The following HPSE2 variants were observed in gnomAD, a reference collection of about 807,000 sequenced individuals.
The protein encoded by HPSE2 is inactive heparanase-2.
In HPSE2, 38 loss-of-function variants were observed where a neutral mutation model predicts 60.5. That is an observed-to-expected ratio of 0.63 (90% CI 0.48 to 0.82). The LOEUF is 0.82. Ranked by LOEUF, HPSE2 falls within the 40% of genes least tolerant of loss-of-function variation. The pLI is 0.00. For missense variants in HPSE2, 713 were observed against 740.4 expected (o/e 0.96, Z 0.43); for synonymous variants, 295 against 293.2 (o/e 1.01, Z -0.06).
chr10:98,700,140 C>A (rs895997372), intron 5 of HPSE2, among the ~76,000 whole-genome samples: 2 of 151,604 alleles, frequency 1.3e-5, no homozygotes, highest in Admixed American at 6.6e-5. Flanking sequence ...TGGAAAAAAA[C>A]TACTTTAAAG....
At chr10:98,852,977 C>T (rs1387268189) in intron 3 of HPSE2, among the ~76,000 whole-genome samples, 2 of 152,210 alleles carry the variant, frequency 1.3e-5, no homozygotes, top group Non-Finnish European at 2.9e-5. Flanking sequence ...GTTTACACAG[C>T]TTTAAGGCCC....
At chr10:99,238,592 TTGGTCTC>T (rs1171460701), upstream of HPSE2, among the ~76,000 whole-genome samples, 3 of 152,204 alleles carry the variant, frequency 2.0e-5, no homozygotes, top group Non-Finnish European at 4.4e-5. Flanking sequence ...TTAGCCCTCG[TTGGTCTC>T]TAAGATGATT....
At chr10:99,170,843 T>A (rs57672612) in intron 2 of HPSE2, among the ~76,000 whole-genome samples, 77,619 of 152,014 alleles carry the variant, frequency 0.51, 21,579 homozygotes, top group East Asian at 0.65. Context: ...AACCAACCAC[T>A]GATCGAAAAC....
intron 11 of HPSE2, among the ~76,000 whole-genome samples, chr10:98,470,357 G>A (rs1940727582): frequency 6.6e-6 from 1 of 152,134 alleles, no homozygotes; most frequent in South Asian, 2.1e-4. Context: ...AATCATTGTT[G>A]CAAGGGTAAG....
intron 7 of HPSE2, among the ~76,000 whole-genome samples, chr10:98,627,092 A>C (rs1237912301): frequency 6.6e-6 from 1 of 152,174 alleles, no homozygotes; most frequent in Non-Finnish European, 1.5e-5. Context: ...ATTTTTCAAA[A>C]GGAGTTCAAA....
rs115204000 is a variant in HPSE2, at chr10:99,043,206, C to A, written c.610+101032G>T. On this transcript the variant is annotated intron_variant, in intron 3 of 11. Transcript: ENST00000370552. Reference sequence around the variant, plus strand: ...CAATGGTTCTTAAACAGCTGGAGGCCGGGCATGGTGGCTCATGTCTGTAAT... The same window carrying A: ...CAATGGTTCTTAAACAGCTGGAGGCAGGGCATGGTGGCTCATGTCTGTAAT... Among the ~76,000 whole-genome samples the A allele has an allele frequency of 3.4e-3, 514 of 152,222 alleles. 2 individuals are homozygous for A. Among genetic ancestry groups the A allele is most frequent in the African/African-American group, 0.012 (490 of 41,538 alleles).
intron 6 of HPSE2, among the ~76,000 whole-genome samples, chr10:98,670,336 A>G (rs555488349): frequency 6.6e-6 from 1 of 152,350 alleles, no homozygotes; most frequent in South Asian, 2.1e-4. Context: ...CTATTGCAAT[A>G]GTCTGGGGAA....
At chr10:98,894,439 T>C (rs1953425514) in intron 3 of HPSE2, among the ~76,000 whole-genome samples, 1 of 151,928 alleles carries the variant, frequency 6.6e-6, no homozygotes, top group Non-Finnish European at 1.5e-5. Flanking sequence ...CTTCCAGAAG[T>C]GAAAAATGTT....
chr10:99,085,051 T>C (rs1390790102), intron 3 of HPSE2, among the ~76,000 whole-genome samples: 2 of 152,180 alleles, frequency 1.3e-5, no homozygotes, highest in Non-Finnish European at 2.9e-5. Context: ...ACCCTTCACG[T>C]GGCCTGTAGG....
At chr10:99,055,577 A>G (rs531523868) in intron 3 of HPSE2, among the ~76,000 whole-genome samples, 121 of 152,270 alleles carry the variant, frequency 7.9e-4, no homozygotes, top group Admixed American at 2.9e-3. Flanking sequence ...ATTTTGGTGA[A>G]AAACACCCAC....
intron 6 of HPSE2, among the ~76,000 whole-genome samples, chr10:98,670,810 CTCAA>C (rs1442575935): frequency 3.3e-5 from 5 of 152,238 alleles, no homozygotes; most frequent in African/African-American, 1.2e-4. Context: ...CCCTAGATTG[CTCAA>C]TCAATCACGA....
chr10:99,038,427 A>C (rs1957658361), intron 3 of HPSE2, among the ~76,000 whole-genome samples: 1 of 152,202 alleles, frequency 6.6e-6, no homozygotes, highest in Non-Finnish European at 1.5e-5. Flanking sequence ...AAAGTCAATT[A>C]CTATATGATT....
At chr10:98,677,896 C>T (rs1009818575) in intron 6 of HPSE2, among the ~76,000 whole-genome samples, 2 of 152,138 alleles carry the variant, frequency 1.3e-5, no homozygotes, top group Non-Finnish European at 2.9e-5. Context: ...CCAATAGATG[C>T]TATTATTAGA....
intron 3 of HPSE2, among the ~76,000 whole-genome samples, chr10:98,933,221 A>G (rs1160106578): frequency 7.4e-6 from 1 of 135,982 alleles, no homozygotes; most frequent in Non-Finnish European, 1.5e-5. Flanking sequence ...TTCATTATTT[A>G]CCCCAGAGTC....
chr10:98,913,634 GC>G (rs1267293241), intron 3 of HPSE2, among the ~76,000 whole-genome samples: 3 of 152,012 alleles, frequency 2.0e-5, no homozygotes, highest in Non-Finnish European at 4.4e-5. Flanking sequence ...GGAAAAAATG[GC>G]CTAAAAGCTA....
At chr10:99,080,413 G>A (rs2135571166) in intron 3 of HPSE2, among the ~76,000 whole-genome samples, 1 of 152,220 alleles carries the variant, frequency 6.6e-6, no homozygotes, top group East Asian at 1.9e-4. Context: ...AAATACCATG[G>A]TACATTTCCT....
At chr10:98,843,951 T>C (rs1951977248) in intron 3 of HPSE2, among the ~76,000 whole-genome samples, 1 of 152,232 alleles carries the variant, frequency 6.6e-6, no homozygotes, top group African/African-American at 2.4e-5. Context: ...CTAATTCTGA[T>C]TAAAGACTGA....
intron 2 of HPSE2, among the ~76,000 whole-genome samples, chr10:99,184,819 T>TATAGAGAGAGAGAGAG (rs1554912295): frequency 5.0e-5 from 1 of 19,858 alleles, no homozygotes; most frequent in African/African-American, 1.7e-4. Flanking sequence ...TATATATATA[T>TATAGAGAGAGAGAGAG]AGAGAGAGAG....
intron 9 of HPSE2, among the ~76,000 whole-genome samples, chr10:98,550,472 ATT>A (rs34732107): frequency 1.2e-4 from 17 of 143,696 alleles, no homozygotes; most frequent in East Asian, 6.1e-4. Context: ...TCTTTCTTAA[ATT>A]TTTTTTTTTT....
Sources: gnomAD v4.1 joint callset for allele counts (sites outside exome capture counted in the v4.1 genomes callset) on GRCh38, gnomAD v4.1.1 for gene constraint, MANE v1.5 for transcripts, NCBI Gene and HGNC (gene_info 2026-07-23, HGNC 2026-07-21) for gene names.